Variants in SRGAP1 observed in about 807,000 individuals in gnomAD.
SRGAP1 encodes the protein SLIT-ROBO Rho GTPase-activating protein 1.
SRGAP1 carries 43 observed loss-of-function variants against 121.9 expected under a neutral mutation model. That is an observed-to-expected ratio of 0.35 (90% CI 0.28 to 0.46). The LOEUF is 0.46. Among genes scored for constraint, SRGAP1 ranks in the 20% least tolerant of loss-of-function variants. The pLI is 1.00. For synonymous variants in SRGAP1, 447 were observed against 485.4 expected (o/e 0.92, Z 1.04); for missense variants, 1,102 against 1,350.9 (o/e 0.82, Z 2.89).
chr12:63,859,970 T>C (rs1238575760), intron 1 of SRGAP1, among the ~76,000 whole-genome samples: 1 of 152,238 alleles, frequency 6.6e-6, no homozygotes, highest in East Asian at 1.9e-4. Flanking sequence ...TAATTTCTTC[T>C]TTGACTCATG....
At chr12:63,954,688 A>AAAAAAAAAAAAAAAAAAAAAAAG (rs57230527) in intron 1 of SRGAP1, among the ~76,000 whole-genome samples, 10 of 130,210 alleles carry the variant, frequency 7.7e-5, no homozygotes, top group African/African-American at 1.4e-4. Context: ...AAAAAAAAAA[A>AAAAAAAAAAAAAAAAAAAAAAAG]AAAAGAAAAG....
At chr12:63,921,347 C>T (rs2031035197) in intron 1 of SRGAP1, among the ~76,000 whole-genome samples, 2 of 152,176 alleles carry the variant, frequency 1.3e-5, no homozygotes, top group Admixed American at 1.3e-4. Flanking sequence ...AAGTTCAAAA[C>T]CCTTCAAGAC....
At chr12:64,054,403 T>A (rs1438740307) in intron 6 of SRGAP1, among the ~76,000 whole-genome samples, 1 of 152,222 alleles carries the variant, frequency 6.6e-6, no homozygotes, top group Non-Finnish European at 1.5e-5. Flanking sequence ...GCTTTTAGCC[T>A]TATCTTTTTT....
chr12:64,026,636 G>A (rs2034658240), intron 4 of SRGAP1, among the ~76,000 whole-genome samples: 1 of 152,090 alleles, frequency 6.6e-6, no homozygotes, highest in Admixed American at 6.5e-5. Flanking sequence ...GGAGGCCGAG[G>A]CAGGCAGATC....
intron 1 of SRGAP1, among the ~76,000 whole-genome samples, chr12:63,906,383 C>A (rs748830798): frequency 2.0e-5 from 3 of 150,626 alleles, no homozygotes; most frequent in African/African-American, 7.3e-5. Context: ...GGTGAGATCT[C>A]GGCTCACTGC....
chr12:63,965,079 C>T (rs900452490), intron 1 of SRGAP1, among the ~76,000 whole-genome samples: 1 of 152,084 alleles, frequency 6.6e-6, no homozygotes, highest in Non-Finnish European at 1.5e-5. Flanking sequence ...TCTTAGTTTT[C>T]ACATCTGCAA....
chr12:64,063,726 C>CA (rs939095729), intron 7 of SRGAP1, among the ~76,000 whole-genome samples: 1 of 151,556 alleles, frequency 6.6e-6, no homozygotes, highest in Non-Finnish European at 1.5e-5. Context: ...CAGGAGAAAA[C>CA]AAAAAAAGCC....
rs59020353 is a variant in SRGAP1, at chr12:64,101,308, GGTGTGTGTGTGTGT to G, written c.1813+3963_1813+3976del. On this transcript the variant is annotated intron_variant, in intron 15 of 21. Coordinates refer to ENST00000355086, the MANE Select transcript of SRGAP1 (RefSeq NM_020762.4). Reference sequence around the variant, plus strand: ...TATTTTTGGATTGTTTGGGGAAAGGGGTGTGTGTGTGTGTGTGTGTGTGTGTGTGTGTGTGTGTG... The same window carrying G: ...TATTTTTGGATTGTTTGGGGAAAGGGGTGTGTGTGTGTGTGTGTGTGTGTG... Among the ~76,000 whole-genome samples the G allele has an allele frequency of 2.9e-3, 407 of 138,094 alleles. 2 individuals are homozygous for G. Among genetic ancestry groups the G allele is most frequent in the African/African-American group, 9.4e-3 (354 of 37,550 alleles). 90.6% of individuals were successfully genotyped at this position (138,094 alleles called of 152,430 possible).
At chr12:63,980,029 G>T (rs139572867) in intron 1 of SRGAP1, among the ~76,000 whole-genome samples, 1 of 152,214 alleles carries the variant, frequency 6.6e-6, no homozygotes, top group Non-Finnish European at 1.5e-5. Context: ...GTGTGGGGCC[G>T]AGTGCACCAT....
chr12:64,003,901 A>G (rs1336402402), intron 3 of SRGAP1, among the ~76,000 whole-genome samples: 1 of 152,214 alleles, frequency 6.6e-6, no homozygotes, highest in South Asian at 2.1e-4. Flanking sequence ...ATACCTACAC[A>G]CATCATAATA....
chr12:64,073,757 A>G (rs1475295926), intron 8 of SRGAP1, among the ~76,000 whole-genome samples: 1 of 150,106 alleles, frequency 6.7e-6, no homozygotes, highest in Non-Finnish European at 1.5e-5. Flanking sequence ...GAATGGTTGA[A>G]TACATGGATA....
chr12:63,845,002 C>T (rs1898850870), intron 1 of SRGAP1, 119 bp downstream of exon 1: 1 of 1,035,050 alleles, frequency 9.7e-7, no homozygotes, highest in Admixed American at 1.9e-5. Flanking sequence ...ACAGCTCGAG[C>T]CCTGTCTGAG....
intron 1 of SRGAP1, among the ~76,000 whole-genome samples, chr12:63,915,253 G>T (rs1331802937): frequency 6.6e-6 from 1 of 152,152 alleles, no homozygotes; most frequent in Non-Finnish European, 1.5e-5. Context: ...CATTTTTATT[G>T]TCAATGTTTA....
intron 1 of SRGAP1, among the ~76,000 whole-genome samples, chr12:63,872,558 T>G (rs1194407380): frequency 6.6e-6 from 1 of 152,238 alleles, no homozygotes; most frequent in East Asian, 1.9e-4. Flanking sequence ...TCCATTATAT[T>G]GTTAAGATAA....
intron 1 of SRGAP1, among the ~76,000 whole-genome samples, chr12:63,904,651 C>G (rs1720411206): frequency 6.6e-6 from 1 of 152,134 alleles, no homozygotes; most frequent in Non-Finnish European, 1.5e-5. Flanking sequence ...CAGAGTATGG[C>G]TGGGTGCAGT....
intron 1 of SRGAP1, among the ~76,000 whole-genome samples, chr12:63,894,305 A>T (rs1395210525): frequency 6.6e-6 from 1 of 151,986 alleles, no homozygotes; most frequent in African/African-American, 2.4e-5. Context: ...AAATTGTGAA[A>T]TAGGTAACAT....
intron 3 of SRGAP1, among the ~76,000 whole-genome samples, chr12:63,994,660 G>A (rs74495979): frequency 6.6e-6 from 1 of 152,094 alleles, no homozygotes; most frequent in Non-Finnish European, 1.5e-5. Flanking sequence ...ACACAGATAG[G>A]AGAGTACTCT....
chr12:63,990,702 C>T (rs1177327074), intron 3 of SRGAP1, among the ~76,000 whole-genome samples: 2 of 152,074 alleles, frequency 1.3e-5, no homozygotes, highest in Non-Finnish European at 2.9e-5. Context: ...GTACCTCTGC[C>T]CAGGAACGGA....
intron 1 of SRGAP1, among the ~76,000 whole-genome samples, chr12:63,922,032 G>A (rs903186549): frequency 1.3e-5 from 2 of 150,994 alleles, no homozygotes; most frequent in African/African-American, 2.4e-5. Flanking sequence ...AGGCTGGAGT[G>A]CAGTGGTGTG....
Sources: gnomAD v4.1 joint callset for allele counts (sites outside exome capture counted in the v4.1 genomes callset) on GRCh38, gnomAD v4.1.1 for gene constraint, MANE v1.5 for transcripts, NCBI Gene and HGNC (gene_info 2026-07-23, HGNC 2026-07-21) for gene names.